The following FANCL variants were observed in gnomAD, a reference collection of about 807,000 sequenced individuals.
FANCL encodes the protein FA complementation group L, also known as E3 ubiquitin-protein ligase FANCL.
A neutral mutation model predicts 59.4 loss-of-function variants in FANCL; 69 were observed. The ratio of observed to expected loss-of-function variants is 1.16; its 90% CI spans 0.96 to 1.42. The LOEUF (loss-of-function observed/expected upper bound fraction) is 1.42. Ranked by LOEUF, FANCL falls within the 40% of genes most tolerant of loss-of-function variation. FANCL has a pLI of 0.00. For synonymous variants in FANCL, 180 were observed against 147.1 expected (o/e 1.22, Z -1.62); for missense variants, 519 against 447.2 (o/e 1.16, Z -1.45).
At chr2:58,164,843 A>G (rs1200202268) in intron 8 of FANCL, among the ~76,000 whole-genome samples, 2 of 152,068 alleles carry the variant, frequency 1.3e-5, no homozygotes, top group African/African-American at 4.8e-5. Flanking sequence ...GGAAAGTACC[A>G]ATACTATTTG....
intron 7 of FANCL, among the ~76,000 whole-genome samples, chr2:58,171,687 C>A (rs1001259795): frequency 6.6e-6 from 1 of 152,160 alleles, no homozygotes; most frequent in Non-Finnish European, 1.5e-5. Context: ...ACGCAGAAGA[C>A]GGGTGATTTC....
At chr2:58,223,119 G>A (rs1039027306) in intron 4 of FANCL, among the ~76,000 whole-genome samples, 21 of 148,090 alleles carry the variant, frequency 1.4e-4, no homozygotes, top group Admixed American at 6.0e-4. Flanking sequence ...CTTCAATTTC[G>A]TTCTGAATCT....
rs1346306651 is a variant in FANCL, at chr2:58,159,804, T to G, written c.1093-4A>C. The G allele has an allele frequency of 6.2e-7, 1 of 1,612,102 alleles. No individual in the cohort carries two copies. Among genetic ancestry groups the G allele is most frequent in the East Asian group, 2.2e-5 (1 of 44,810 alleles). ...CAGACATTTTTAAGGTAATTGGCTT[T>G]AAAAAGAGAACATATTTTAACAAAG... On this transcript the variant is annotated splice_polypyrimidine_tract_variant and splice_region_variant and intron_variant, in intron 13 of 13. Coordinates refer to ENST00000233741, the MANE Select transcript of FANCL (RefSeq NM_018062.4).
intron 5 of FANCL, among the ~76,000 whole-genome samples, chr2:58,212,461 A>G (rs998580741): frequency 6.6e-6 from 1 of 152,178 alleles, no homozygotes; most frequent in Admixed American, 6.5e-5. Context: ...AGTGATATGT[A>G]TTTCTTCCAA....
intron 7 of FANCL, among the ~76,000 whole-genome samples, chr2:58,197,668 A>C (rs1298043985): frequency 6.6e-6 from 1 of 152,234 alleles, no homozygotes; most frequent in Admixed American, 6.5e-5. Flanking sequence ...AACTGACAGA[A>C]GCAGGAGAAT....
chr2:58,172,262 C>T (rs901788222), intron 7 of FANCL, among the ~76,000 whole-genome samples: 5 of 152,354 alleles, frequency 3.3e-5, no homozygotes, highest in East Asian at 1.9e-4. Context: ...TCTCTCAGCA[C>T]GCACCTGGAG....
At chr2:58,220,736 G>C (rs1312438461) in intron 5 of FANCL, among the ~76,000 whole-genome samples, 1 of 152,046 alleles carries the variant, frequency 6.6e-6, no homozygotes. Flanking sequence ...CCAACTCATA[G>C]AAAATAGCTA....
intron 8 of FANCL, among the ~76,000 whole-genome samples, chr2:58,164,279 C>G (rs997326301): frequency 6.6e-6 from 1 of 151,918 alleles, no homozygotes; most frequent in South Asian, 2.1e-4. Context: ...TTGATAAATT[C>G]CATACACTGT....
intron 7 of FANCL, among the ~76,000 whole-genome samples, chr2:58,169,440 G>A (rs776977788): frequency 4.6e-5 from 7 of 152,078 alleles, no homozygotes; most frequent in Non-Finnish European, 8.8e-5. Flanking sequence ...AATCCACGAC[G>A]ATGAGGAAAA....
chr2:58,203,998 C>T, intron 6 of FANCL, 132 bp downstream of exon 6: 2 of 774,670 alleles, frequency 2.6e-6, no homozygotes, highest in Non-Finnish European at 4.5e-6. Context: ...TGAGGCTTTC[C>T]AAAATCAATG....
At chr2:58,193,178 G>C (rs1028586200) in intron 7 of FANCL, among the ~76,000 whole-genome samples, 3 of 151,882 alleles carry the variant, frequency 2.0e-5, no homozygotes, top group Non-Finnish European at 2.9e-5. Context: ...AAACCCAATT[G>C]TAACTAAAAC....
At chr2:58,229,064 T>C (rs1693316219) in intron 3 of FANCL, among the ~76,000 whole-genome samples, 1 of 152,182 alleles carries the variant, frequency 6.6e-6, no homozygotes, top group Non-Finnish European at 1.5e-5. Context: ...AATCAAATAG[T>C]TTATCTCCTA....
intron 5 of FANCL, among the ~76,000 whole-genome samples, chr2:58,217,191 T>G (rs1337569875): frequency 2.1e-3 from 14 of 6,762 alleles, no homozygotes; most frequent in Admixed American, 7.8e-3. Context: ...TATATATATA[T>G]ATATATATAT....
chr2:58,221,961 C>T lies in FANCL; in HGVS notation c.355G>A (p.Gly119Arg), dbSNP rs764393410. 1 of 1,611,258 alleles carries T rather than the reference C, an allele frequency of 6.2e-7. No individual in the cohort carries two copies. Among genetic ancestry groups the T allele is most frequent in the East Asian group, 2.2e-5 (1 of 44,768 alleles). The change falls in exon 5 of 14, where the codon GGA becomes AGA. Residue 119 changes from glycine (G) to arginine (R), a missense_variant. Physicochemically the swap from Gly to Arg is moderately radical, Grantham distance 125 (BLOSUM62 -2). Coordinates refer to ENST00000233741, the MANE Select transcript of FANCL (RefSeq NM_018062.4). ...ACATACTTATCCCAACCAAGAGTTCCTATCTCTTCAATAAGGCTTGAGTAG... is the reference window on the plus strand; with the variant it reads ...ACATACTTATCCCAACCAAGAGTTCTTATCTCTTCAATAAGGCTTGAGTAG... ...QFYSSLIEEI[G>R]TLGWDKLVYA...
chr2:58,173,712 G>A (rs1226495428), intron 7 of FANCL, among the ~76,000 whole-genome samples: 2 of 152,158 alleles, frequency 1.3e-5, no homozygotes, highest in African/African-American at 4.8e-5. Context: ...TCGAGGCTAG[G>A]AAGAAACTGC....
At chr2:58,175,729 G>A (rs1687230017) in intron 7 of FANCL, among the ~76,000 whole-genome samples, 2 of 152,080 alleles carry the variant, frequency 1.3e-5, no homozygotes, top group Admixed American at 1.3e-4. Context: ...CAGCAGGACA[G>A]GGATGCCCTC....
chr2:58,228,391 T>G (rs760088188), intron 3 of FANCL, among the ~76,000 whole-genome samples: 13 of 152,230 alleles, frequency 8.5e-5, no homozygotes, highest in Non-Finnish European at 1.5e-5. Context: ...AGCAAATCCT[T>G]GACTATCCCT....
intron 7 of FANCL, among the ~76,000 whole-genome samples, chr2:58,194,595 T>C (rs567409483): frequency 6.6e-6 from 1 of 152,218 alleles, no homozygotes; most frequent in African/African-American, 2.4e-5. Flanking sequence ...GCAGCAATAG[T>C]AGCAGCAGCC....
At chr2:58,210,475 GAC>G (rs1330908976) in intron 5 of FANCL, among the ~76,000 whole-genome samples, 2 of 152,094 alleles carry the variant, frequency 1.3e-5, no homozygotes, top group African/African-American at 4.8e-5. Flanking sequence ...CTTGGGTAGG[GAC>G]ACAGAGTCAA....
Sources: allele counts gnomAD v4.1 joint callset (sites outside exome capture counted in the v4.1 genomes callset), GRCh38; gene constraint gnomAD v4.1.1; transcripts MANE v1.5; gene names NCBI Gene and HGNC (gene_info 2026-07-23, HGNC 2026-07-21).